The following ADAM23 variants were observed in gnomAD, a reference collection of about 807,000 sequenced individuals.
ADAM23 encodes disintegrin and metalloproteinase domain-containing protein 23.
ADAM23 carries 33 observed loss-of-function variants against 120.1 expected under a neutral mutation model. That is an observed-to-expected ratio of 0.27 (90% CI 0.21 to 0.37). ADAM23 has a LOEUF of 0.37. Ranked by LOEUF, ADAM23 falls within the 10% of genes least tolerant of loss-of-function variation. ADAM23 has a pLI of 1.00. For synonymous variants in ADAM23, 367 were observed against 375.2 expected, an observed-to-expected ratio of 0.98 and a Z score of 0.25; for missense variants, 862 against 1,058.2, an observed-to-expected ratio of 0.81 and a Z score of 2.57.
intron 25 of ADAM23, among the ~76,000 whole-genome samples, chr2:206,612,080 T>C (rs1449604205): frequency 6.6e-6 from 1 of 152,200 alleles, no homozygotes; most frequent in Admixed American, 6.5e-5. Flanking sequence ...AAGAAAACGA[T>C]GAAGACTAAG....
rs150448603 is a variant in ADAM23 at position 206,585,172 on chromosome 2, A to G, written c.1738-2153A>G. ...CAGTCCATCTGGAGCTAAAATTCAC[A>G]GTGCAGGCCTCCGCATGCTGCCCTG... On this transcript the variant is annotated intron_variant, in intron 18 of 25. Transcript: ENST00000264377. Among the ~76,000 whole-genome samples, 97 of 152,290 alleles carry G rather than the reference A, an allele frequency of 6.4e-4. 3 individuals carry two copies. The East Asian group carries it at 0.015, about 24-fold the overall frequency.
At chr2:206,457,451 T>G (rs1012477324) in intron 2 of ADAM23, among the ~76,000 whole-genome samples, 1 of 152,184 alleles carries the variant, frequency 6.6e-6, no homozygotes, top group Non-Finnish European at 1.5e-5. Flanking sequence ...TAGGGAAGTT[T>G]CTGTCCTTTG....
chr2:206,484,681 C>G (rs1365123349), intron 3 of ADAM23, among the ~76,000 whole-genome samples: 1 of 152,166 alleles, frequency 6.6e-6, no homozygotes, highest in Non-Finnish European at 1.5e-5. Flanking sequence ...GAAGGGAAAA[C>G]TAACTGCAGT....
chr2:206,536,225 T>TTG (rs71034460), intron 4 of ADAM23, among the ~76,000 whole-genome samples: 12,478 of 151,532 alleles, frequency 0.082, 534 homozygotes, highest in Middle Eastern at 0.14. Context: ...GCGTGTGTGT[T>TTG]TGTGTGTGTG....
At chr2:206,455,093 TTCTCCATGGGGGC>T (rs879356991) in intron 2 of ADAM23, among the ~76,000 whole-genome samples, 2 of 152,218 alleles carry the variant, frequency 1.3e-5, no homozygotes, top group African/African-American at 4.8e-5. Flanking sequence ...CTCATAGAGG[TTCTCCATGGGGGC>T]TCTGCCCCTG....
chr2:206,520,695 T>C (rs1165924449), intron 3 of ADAM23, among the ~76,000 whole-genome samples: 1 of 152,156 alleles, frequency 6.6e-6, no homozygotes, highest in Non-Finnish European at 1.5e-5. Flanking sequence ...ATGGCTCTAA[T>C]TGACCCAGTA....
intron 3 of ADAM23, among the ~76,000 whole-genome samples, chr2:206,516,290 A>G (rs1345566609): frequency 6.6e-6 from 1 of 151,898 alleles, no homozygotes; most frequent in South Asian, 2.1e-4. Flanking sequence ...TAACAATAGA[A>G]TTTTCAGGAA....
chr2:206,483,074 G>T (rs1445887948), intron 3 of ADAM23, among the ~76,000 whole-genome samples: 3 of 152,166 alleles, frequency 2.0e-5, no homozygotes, highest in African/African-American at 4.8e-5. Context: ...TTATCCCCTA[G>T]ACTGAAAAAT....
intron 24 of ADAM23, among the ~76,000 whole-genome samples, chr2:206,603,800 A>G (rs1485381447): frequency 6.6e-6 from 1 of 152,158 alleles, no homozygotes; most frequent in Admixed American, 6.5e-5. Flanking sequence ...TATCTTTCAT[A>G]TAGTTCTTAC....
chr2:206,472,928 G>T (rs1574485284), intron 2 of ADAM23, among the ~76,000 whole-genome samples: 1 of 152,292 alleles, frequency 6.6e-6, no homozygotes, highest in East Asian at 1.9e-4. Flanking sequence ...TGAGAAGAGT[G>T]TGCTTTGTTG....
chr2:206,554,053 G>T (rs1697588904), intron 9 of ADAM23, among the ~76,000 whole-genome samples: 1 of 152,046 alleles, frequency 6.6e-6, no homozygotes, highest in South Asian at 2.1e-4. Context: ...GTTATAAATG[G>T]TGATTGCATA....
At chr2:206,523,275 G>A (rs1229145803) in intron 3 of ADAM23, among the ~76,000 whole-genome samples, 1 of 145,586 alleles carries the variant, frequency 6.9e-6, no homozygotes, top group Non-Finnish European at 1.5e-5. Flanking sequence ...CTCTCATATG[G>A]TTTAGGAGAT....
intron 3 of ADAM23, among the ~76,000 whole-genome samples, chr2:206,501,939 A>G (rs1423467837): frequency 6.6e-6 from 1 of 152,186 alleles, no homozygotes; most frequent in East Asian, 1.9e-4. Flanking sequence ...ATTGAAATGC[A>G]GTAACACAAA....
intron 3 of ADAM23, among the ~76,000 whole-genome samples, chr2:206,519,832 T>C (rs987400444): frequency 6.6e-6 from 1 of 151,946 alleles, no homozygotes; most frequent in Non-Finnish European, 1.5e-5. Context: ...GGGAAGATAG[T>C]GAGACTCCAT....
At chr2:206,516,896 A>T (rs1314900891) in intron 3 of ADAM23, among the ~76,000 whole-genome samples, 3 of 152,130 alleles carry the variant, frequency 2.0e-5, no homozygotes, top group Non-Finnish European at 4.4e-5. Flanking sequence ...ATTTTGGCCT[A>T]GCAGTTTGAG....
chr2:206,486,339 C>A (rs1259952612), intron 3 of ADAM23, among the ~76,000 whole-genome samples: 1 of 149,172 alleles, frequency 6.7e-6, no homozygotes, highest in East Asian at 2.0e-4. Flanking sequence ...TCTTGTCTTT[C>A]CTTTTTTTTT....
intron 2 of ADAM23, among the ~76,000 whole-genome samples, chr2:206,474,652 G>A (rs1402181405): frequency 6.6e-6 from 1 of 152,084 alleles, no homozygotes; most frequent in African/African-American, 2.4e-5. Flanking sequence ...TTGGCTAACT[G>A]CAGCCTCAAA....
Position 206,592,768 on chromosome 2 carries a change from G to A in ADAM23, c.2078+32G>A, listed in dbSNP as rs3732077. 0.01 allele frequency: 16,225 copies of A among 1,572,716 alleles called. 1,035 individuals carry two copies. The Admixed American group carries it at 0.17, about 16-fold the overall frequency. On this transcript the variant is annotated intron_variant, in intron 22 of 25. Coordinates refer to ENST00000264377, the MANE Select transcript of ADAM23 (RefSeq NM_003812.4). ...TATTAAATATTAGAAGACCTAATAA[G>A]CCATGAGAATTACAAATTTCACAAA...
rs117228802 is a variant in ADAM23, at chr2:206,513,557, A to G, written c.510-17328A>G. 2.2e-3 allele frequency among the ~76,000 whole-genome samples: 335 copies of G among 152,362 alleles called. 14 individuals carry two copies. The East Asian group carries it at 0.062, about 28-fold the overall frequency. ...AGGAAAGAAGCTGTTTCCATAACAT[A>G]AAAGTGCAAGGTAAAGCAGCAAGTG... On this transcript the variant is annotated intron_variant, in intron 3 of 25. Coordinates refer to ENST00000264377, the MANE Select transcript of ADAM23 (RefSeq NM_003812.4).
Sources: allele counts gnomAD v4.1 joint callset (sites outside exome capture counted in the v4.1 genomes callset), GRCh38; gene constraint gnomAD v4.1.1; transcripts MANE v1.5; gene names NCBI Gene and HGNC (gene_info 2026-07-23, HGNC 2026-07-21).